ZBTB20: variants seen among roughly 807,000 people sequenced by gnomAD.
ZBTB20 encodes zinc finger and BTB domain containing 20.
Under a neutral mutation model 56.9 loss-of-function variants are expected in ZBTB20, and 9 were observed. The observed-to-expected ratio is 0.16, with a 90% CI of 0.10 to 0.28. ZBTB20 has a LOEUF of 0.28. Ranked by LOEUF, ZBTB20 falls within the 10% of genes least tolerant of loss-of-function variation. ZBTB20 has a pLI of 1.00. For missense variants in ZBTB20, 655 were observed against 1,003.0 expected, an observed-to-expected ratio of 0.65 and a Z score of 4.69; for synonymous variants, 417 against 420.7, an observed-to-expected ratio of 0.99 and a Z score of 0.11.
intron 5 of ZBTB20, among the ~76,000 whole-genome samples, chr3:114,733,108 G>GTA (rs1240461763): frequency 4.6e-5 from 7 of 152,078 alleles, no homozygotes; most frequent in Non-Finnish European, 1.0e-4. Flanking sequence ...ACATTTTATT[G>GTA]GTTTAATGTA....
At chr3:114,460,803 T>C (rs2092295481) in intron 7 of ZBTB20, among the ~76,000 whole-genome samples, 1 of 152,194 alleles carries the variant, frequency 6.6e-6, no homozygotes, top group African/African-American at 2.4e-5. Flanking sequence ...ACAGTTGAAA[T>C]ATTTCTTAGC....
At chr3:114,686,758 T>C (rs1490472285) in intron 6 of ZBTB20, among the ~76,000 whole-genome samples, 2 of 152,170 alleles carry the variant, frequency 1.3e-5, no homozygotes, top group East Asian at 3.8e-4. Flanking sequence ...ATCACTCTTG[T>C]TCTTGTTTTG....
intron 3 of ZBTB20, among the ~76,000 whole-genome samples, chr3:114,951,422 T>C (rs972423845): frequency 2.6e-5 from 4 of 152,120 alleles, no homozygotes; most frequent in East Asian, 1.9e-4. Context: ...AGTGATCTTA[T>C]AGGGTTACAA....
chr3:114,991,282 T>C (rs2078797236), intron 2 of ZBTB20, among the ~76,000 whole-genome samples: 1 of 152,218 alleles, frequency 6.6e-6, no homozygotes, highest in African/African-American at 2.4e-5. Context: ...TTTGAATGTG[T>C]CCCAGAGATT....
At chr3:115,060,581 T>C (rs2081978215) in intron 2 of ZBTB20, among the ~76,000 whole-genome samples, 1 of 152,144 alleles carries the variant, frequency 6.6e-6, no homozygotes, top group South Asian at 2.1e-4. Flanking sequence ...TTACTCTCTC[T>C]TTTTTCAAAA....
chr3:114,648,916 C>T (rs137864978), intron 6 of ZBTB20, among the ~76,000 whole-genome samples: 13 of 152,028 alleles, frequency 8.6e-5, no homozygotes, highest in African/African-American at 2.7e-4. Flanking sequence ...TCAGCTGACC[C>T]AGAAATTAAA....
chr3:114,752,236 G>A (rs1411753540), intron 5 of ZBTB20, among the ~76,000 whole-genome samples: 2 of 93,390 alleles, frequency 2.1e-5, no homozygotes, highest in African/African-American at 6.6e-5. Context: ...TGGAACCCAA[G>A]GAATCTGACT....
chr3:114,907,018 A>G (rs2075345688), intron 3 of ZBTB20, among the ~76,000 whole-genome samples: 1 of 151,874 alleles, frequency 6.6e-6, no homozygotes, highest in Non-Finnish European at 1.5e-5. Flanking sequence ...ACTGAAATGT[A>G]CATTAAACAC....
chr3:114,712,583 G>A (rs1465572171), intron 5 of ZBTB20, among the ~76,000 whole-genome samples: 1 of 151,636 alleles, frequency 6.6e-6, no homozygotes, highest in Non-Finnish European at 1.5e-5. Flanking sequence ...AACCCGGGAG[G>A]CGGAGGTTGT....
chr3:114,904,423 A>G (rs1476122969), intron 3 of ZBTB20: 1 of 152,034 alleles, frequency 6.6e-6, no homozygotes, highest in Non-Finnish European at 1.5e-5. Context: ...CCACAGGACT[A>G]TTTTACATGC....
chr3:114,705,335 A>T (rs2108401600), intron 5 of ZBTB20, among the ~76,000 whole-genome samples: 1 of 152,340 alleles, frequency 6.6e-6, no homozygotes, highest in East Asian at 1.9e-4. Flanking sequence ...CCTAGTATGC[A>T]GCACATGCCC....
chr3:114,526,332 C>T (rs2047218984), intron 6 of ZBTB20, among the ~76,000 whole-genome samples: 1 of 152,106 alleles, frequency 6.6e-6, no homozygotes, highest in South Asian at 2.1e-4. Context: ...TCTGAAGATG[C>T]ACCTGCACTA....
Position 114,380,075 on chromosome 3 carries a change from T to A in ZBTB20, c.199+142A>T, listed in dbSNP as rs915669122. 4.1e-5 allele frequency: 37 copies of A among 906,364 alleles called. No individual in the cohort carries two copies. In the Admixed American group the frequency reaches 1.1e-3, roughly 27 times the overall value. 56.1% of individuals were successfully genotyped at this position (906,364 alleles called of 1,614,324 possible). A position where few individuals can be genotyped will look rare whatever the true frequency, so the allele number is the denominator to read the frequency against. On this transcript the variant is annotated intron_variant, in intron 10 of 11. Transcript: ENST00000675478. ...TGCAAACTTATAGATATTGGCTGAA[T>A]GAAAATGGTGGCACATTACTTTTGG...
chr3:114,891,773 G>A (rs576037688), intron 4 of ZBTB20, among the ~76,000 whole-genome samples: 9 of 152,298 alleles, frequency 5.9e-5, no homozygotes, highest in African/African-American at 1.9e-4. Flanking sequence ...CCAGCCAGGC[G>A]TGGTGGCTCA....
intron 3 of ZBTB20, among the ~76,000 whole-genome samples, chr3:114,939,827 C>T (rs1244204565): frequency 6.2e-5 from 9 of 145,990 alleles, no homozygotes; most frequent in East Asian, 1.9e-4. Flanking sequence ...ATTATTGTGC[C>T]GCTGCACTCC....
chr3:114,779,334 A>G (rs1055102295), intron 5 of ZBTB20, among the ~76,000 whole-genome samples: 1 of 152,216 alleles, frequency 6.6e-6, no homozygotes, highest in African/African-American at 2.4e-5. Context: ...GCAATTGTTA[A>G]CATTCCCATT....
rs1560181683 is a variant in ZBTB20 at position 114,731,766 on chromosome 3, ACCTAGATTAGTAACTAATCCGGCTGTG to A, written c.-342-38218_-342-38192del. 4.4e-3 allele frequency among the ~76,000 whole-genome samples: 664 copies of A among 150,712 alleles called. 8 individuals are homozygous for A. Among genetic ancestry groups the A allele is most frequent in the African/African-American group, 0.016 (644 of 41,224 alleles). On this transcript the variant is annotated intron_variant, in intron 5 of 11. Transcript: ENST00000675478. The stretch of plus-strand genomic sequence containing the variant: ...CTAGATTAGTAACTAACCCGGCTGT[ACCTAGATTAGTAACTAATCCGGCTGTG>A]CCTAGATTAGTAACTAATCCGGCTG...
intron 5 of ZBTB20, among the ~76,000 whole-genome samples, chr3:114,790,397 G>T (rs1160916903): frequency 6.6e-6 from 1 of 151,864 alleles, no homozygotes; most frequent in Non-Finnish European, 1.5e-5. Context: ...CTTTCTTCAT[G>T]TTCATATAAA....
intron 6 of ZBTB20, among the ~76,000 whole-genome samples, chr3:114,640,949 A>G (rs1158517372): frequency 1.3e-5 from 2 of 152,052 alleles, no homozygotes; most frequent in Non-Finnish European, 2.9e-5. Context: ...AGAAAGAAGT[A>G]CAATATCTGA....
Sources: gnomAD v4.1 joint callset for allele counts (sites outside exome capture counted in the v4.1 genomes callset) on GRCh38, gnomAD v4.1.1 for gene constraint, MANE v1.5 for transcripts, NCBI Gene and HGNC (gene_info 2026-07-23, HGNC 2026-07-21) for gene names.